Variants in FHOD3 observed in about 807,000 individuals in gnomAD.
The protein encoded by FHOD3 is formin homology 2 domain containing 3.
A neutral mutation model predicts 173.0 loss-of-function variants in FHOD3; 90 were observed. The observed-to-expected ratio is 0.52, with a 90% CI of 0.44 to 0.62. The LOEUF (loss-of-function observed/expected upper bound fraction) is 0.62, where lower values mean the gene tolerates loss of function less well. FHOD3 is among the 20% of genes least tolerant of loss of function. FHOD3 has a pLI of 0.00. For missense variants in FHOD3, 1,945 were observed against 2,034.7 expected (o/e 0.96, Z 0.85); for synonymous variants, 828 against 823.0 (o/e 1.01, Z -0.10).
At chr18:36,386,431 C>T (rs1478769406) in intron 3 of FHOD3, among the ~76,000 whole-genome samples, 2 of 152,134 alleles carry the variant, frequency 1.3e-5, no homozygotes, top group South Asian at 2.1e-4. Flanking sequence ...TAAAGTGCCA[C>T]GTATCACTTA....
At chr18:36,403,780 A>G (rs1292873908) in intron 3 of FHOD3, among the ~76,000 whole-genome samples, 1 of 152,234 alleles carries the variant, frequency 6.6e-6, no homozygotes, top group Non-Finnish European at 1.5e-5. Flanking sequence ...AGCAATTTCT[A>G]AAAAGAACTG....
At chr18:36,527,420 A>T (rs2056573661) in intron 5 of FHOD3, among the ~76,000 whole-genome samples, 1 of 152,242 alleles carries the variant, frequency 6.6e-6, no homozygotes, top group Non-Finnish European at 1.5e-5. Context: ...GCATCCTGTC[A>T]TCTAGCTGAA....
chr18:36,681,433 C>T lies in FHOD3; in HGVS notation c.1836-3C>T. On this transcript the variant is annotated splice_region_variant and splice_polypyrimidine_tract_variant and intron_variant, in intron 14 of 28. Transcript: ENST00000590592. ...CTGAAACATTAACTCATTGTATCTC[C>T]AGGTCATCACCGAGTGGTCTTCTCA... 3 of 1,613,622 alleles carry T rather than the reference C, an allele frequency of 1.9e-6. No homozygotes were observed. Among genetic ancestry groups the T allele is most frequent in the Non-Finnish European group, 2.5e-6 (3 of 1,179,754 alleles).
chr18:36,743,285 G>T (rs1463942169), intron 22 of FHOD3, among the ~76,000 whole-genome samples: 1 of 136,328 alleles, frequency 7.3e-6, no homozygotes, highest in Non-Finnish European at 1.5e-5. Flanking sequence ...CTCCAGCCTG[G>T]GTGACAGAGC....
intron 3 of FHOD3, among the ~76,000 whole-genome samples, chr18:36,443,824 C>CCTTA (rs1457131580): frequency 7.9e-5 from 12 of 152,148 alleles, no homozygotes; most frequent in African/African-American, 2.9e-4. Flanking sequence ...ACCCCACAGA[C>CCTTA]CTTAGTCTAG....
chr18:36,544,669 AG>A (rs373514734), intron 5 of FHOD3: 123 of 152,440 alleles, frequency 8.1e-4, no homozygotes, highest in African/African-American at 2.8e-3. Context: ...TGTGCTTTGG[AG>A]GAAAACATAC....
At chr18:36,530,345 T>C (rs2056730366) in intron 5 of FHOD3, among the ~76,000 whole-genome samples, 1 of 152,148 alleles carries the variant, frequency 6.6e-6, no homozygotes, top group African/African-American at 2.4e-5. Context: ...CTCAACATAG[T>C]CTGTCAGGCT....
intron 1 of FHOD3, among the ~76,000 whole-genome samples, chr18:36,316,342 G>T (rs2044120838): frequency 6.6e-6 from 1 of 152,146 alleles, no homozygotes. Context: ...CTGCCTCCTG[G>T]GGTGTGTAGG....
chr18:36,506,003 G>A (rs2055279514), intron 4 of FHOD3, among the ~76,000 whole-genome samples: 1 of 152,098 alleles, frequency 6.6e-6, no homozygotes, highest in Non-Finnish European at 1.5e-5. Flanking sequence ...CATCTTTTCT[G>A]ATTAGTTTCA....
intron 4 of FHOD3, among the ~76,000 whole-genome samples, chr18:36,511,516 T>G (rs1167957152): frequency 6.6e-6 from 1 of 152,124 alleles, no homozygotes; most frequent in Non-Finnish European, 1.5e-5. Flanking sequence ...GAAATTTGGA[T>G]TAAATCCATC....
intron 1 of FHOD3, among the ~76,000 whole-genome samples, chr18:36,301,211 G>T (rs1297401849): frequency 6.6e-6 from 1 of 152,178 alleles, no homozygotes; most frequent in Non-Finnish European, 1.5e-5. Flanking sequence ...TCCTGTGCTG[G>T]CAACCTTTGA....
chr18:36,355,481 C>G, intron 1 of FHOD3, 58 bp from the exon 2 acceptor site: 1 of 1,377,614 alleles, frequency 7.3e-7, no homozygotes, highest in Non-Finnish European at 1.0e-6. Context: ...TGTGATTTCT[C>G]CATATGTAGT....
chr18:36,717,422 CAG>C (rs958975566), intron 18 of FHOD3, among the ~76,000 whole-genome samples: 3 of 152,130 alleles, frequency 2.0e-5, no homozygotes, highest in Non-Finnish European at 4.4e-5. Context: ...GGGAGAGAAA[CAG>C]AGGTAATCTT....
At chr18:36,678,805 G>C (rs994822948) in intron 14 of FHOD3, among the ~76,000 whole-genome samples, 5 of 152,000 alleles carry the variant, frequency 3.3e-5, no homozygotes, top group Non-Finnish European at 7.4e-5. Context: ...CCTTACATTT[G>C]TTGGGCAAAC....
At chr18:36,501,809 A>T in intron 3 of FHOD3, 123 bp from the exon 4 acceptor site, 1 of 653,666 alleles carries the variant, frequency 1.5e-6, no homozygotes, top group Non-Finnish European at 2.6e-6. Context: ...TGTATCCTGA[A>T]TGAAATGAAT....
intron 1 of FHOD3, among the ~76,000 whole-genome samples, chr18:36,324,792 A>G (rs1327557243): frequency 6.6e-6 from 1 of 152,252 alleles, no homozygotes; most frequent in East Asian, 1.9e-4. Context: ...TATGAAGCTG[A>G]ACATATGCAT....
chr18:36,634,573 A>G (rs750211628), intron 10 of FHOD3, among the ~76,000 whole-genome samples: 31 of 152,126 alleles, frequency 2.0e-4, no homozygotes, highest in Non-Finnish European at 3.5e-4. Flanking sequence ...GGGGTGTTAT[A>G]TGACGTTAAT....
At chr18:36,674,197 C>T (rs970650039) in intron 14 of FHOD3, among the ~76,000 whole-genome samples, 1 of 152,120 alleles carries the variant, frequency 6.6e-6, no homozygotes, top group Non-Finnish European at 1.5e-5. Flanking sequence ...GACACTGAAG[C>T]CTTGGCTTTC....
intron 3 of FHOD3, among the ~76,000 whole-genome samples, chr18:36,444,377 T>A (rs1327378686): frequency 6.6e-6 from 1 of 152,092 alleles, no homozygotes; most frequent in East Asian, 1.9e-4. Context: ...TCATACTCCA[T>A]TTTGGGTTCT....
Sources: allele counts gnomAD v4.1 joint callset (sites outside exome capture counted in the v4.1 genomes callset), GRCh38; gene constraint gnomAD v4.1.1; transcripts MANE v1.5; gene names NCBI Gene and HGNC (gene_info 2026-07-23, HGNC 2026-07-21).